Variants in CFAP99 observed in about 807,000 individuals in gnomAD.
The protein encoded by CFAP99 is cilia- and flagella-associated protein 99.
In CFAP99, 84 loss-of-function variants were observed where a neutral mutation model predicts 82.7. That is an observed-to-expected ratio of 1.02 (90% CI 0.85 to 1.22). The LOEUF is 1.22. Ranked by LOEUF, CFAP99 falls within the 50% of genes most tolerant of loss-of-function variation. The probability of loss-of-function intolerance (pLI) is 0.00; values close to 1 mark genes in which losing one functional copy is unlikely to be tolerated. For missense variants in CFAP99, 1,059 were observed against 983.5 expected (o/e 1.08, Z -1.03); for synonymous variants, 456 against 429.5 (o/e 1.06, Z -0.76).
At chr4:2,429,418 A>G (rs1733752317) in intron 2 of CFAP99, among the ~76,000 whole-genome samples, 3 of 152,194 alleles carry the variant, frequency 2.0e-5, no homozygotes, top group African/African-American at 7.2e-5. Context: ...TGTGACTATC[A>G]CAGGTGTGCA....
intron 1 of CFAP99, among the ~76,000 whole-genome samples, chr4:2,419,483 G>A (rs1733494646): frequency 6.6e-6 from 1 of 152,150 alleles, no homozygotes; most frequent in Non-Finnish European, 1.5e-5. Flanking sequence ...GTTGCATCCA[G>A]ATCACGGCGG....
chr4:2,444,742 C>T (rs1335186282), intron 5 of CFAP99, among the ~76,000 whole-genome samples: 1 of 152,202 alleles, frequency 6.6e-6, no homozygotes, highest in Non-Finnish European at 1.5e-5. Context: ...CCAAAAAGCT[C>T]CTTTCTCCAC....
intron 11 of CFAP99, among the ~76,000 whole-genome samples, chr4:2,456,235 G>T (rs1734430037): frequency 6.6e-6 from 1 of 151,934 alleles, no homozygotes; most frequent in African/African-American, 2.4e-5. Context: ...GTTTTGCCAT[G>T]TTGGCCAGGC....
chr4:2,458,439 G>A (rs1335300883), intron 11 of CFAP99, among the ~76,000 whole-genome samples: 1 of 152,108 alleles, frequency 6.6e-6, no homozygotes, highest in African/African-American at 2.4e-5. Flanking sequence ...GGTCTCTAGG[G>A]CTACTACAGC....
intron 8 of CFAP99, chr4:2,450,377 C>T: frequency 3.2e-6 from 1 of 312,330 alleles, no homozygotes. Flanking sequence ...AGAGACTGTG[C>T]CTGGCGGGGC....
At chr4:2,445,443 C>A in intron 6 of CFAP99, 135 bp downstream of exon 6, 1 of 786,050 alleles carries the variant, frequency 1.3e-6, no homozygotes, top group Non-Finnish European at 1.7e-6. Context: ...ACCAGGAACA[C>A]TAAATGACCC....
intron 13 of CFAP99, among the ~76,000 whole-genome samples, chr4:2,459,808 T>TG (rs1264311826): frequency 2.6e-5 from 4 of 152,304 alleles, no homozygotes; most frequent in African/African-American, 9.6e-5. Flanking sequence ...ATTTGGGACT[T>TG]GCCACAGTGG....
chr4:2,426,778 A>C (rs1733694031), intron 2 of CFAP99, 192 bp downstream of exon 2: 1 of 578,432 alleles, frequency 1.7e-6, no homozygotes, highest in Non-Finnish European at 3.1e-6. Flanking sequence ...GTGTCAGGCC[A>C]GGCTCTGGTG....
At chr4:2,424,608 A>T (rs867376030) in intron 1 of CFAP99, among the ~76,000 whole-genome samples, 16 of 152,274 alleles carry the variant, frequency 1.1e-4, no homozygotes, top group Middle Eastern at 3.4e-3. Context: ...CTCACAGAAC[A>T]TGCCAGGTGC....
chr4:2,461,594 A>T (rs11936462), intron 14 of CFAP99, among the ~76,000 whole-genome samples: 7,720 of 152,236 alleles, frequency 0.051, 634 homozygotes, highest in African/African-American at 0.17. Flanking sequence ...GCTCAGACGC[A>T]GCCTGGTTGG....
intron 8 of CFAP99, chr4:2,450,456 C>T (rs1734276861): frequency 7.3e-6 from 2 of 275,214 alleles, no homozygotes; most frequent in African/African-American, 2.2e-5. Flanking sequence ...GCTGGGCAGC[C>T]CATATGGTGC....
chr4:2,435,912 G>T, intron 2 of CFAP99, among the ~76,000 whole-genome samples: 1 of 151,212 alleles, frequency 6.6e-6, no homozygotes, highest in Middle Eastern at 3.4e-3. Context: ...GGAGGCCGAG[G>T]TGGGGAGCAG....
At chr4:2,435,695 A>T (rs1191599688) in intron 2 of CFAP99, among the ~76,000 whole-genome samples, 1 of 152,212 alleles carries the variant, frequency 6.6e-6, no homozygotes, top group Non-Finnish European at 1.5e-5. Flanking sequence ...AGGCCAAGGC[A>T]GGAGGATTGC....
At chr4:2,422,439 G>A (rs1380933963) in intron 1 of CFAP99, among the ~76,000 whole-genome samples, 1 of 152,152 alleles carries the variant, frequency 6.6e-6, no homozygotes, top group Non-Finnish European at 1.5e-5. Context: ...GTCCGCCCTG[G>A]ATTGGGGGGC....
intron 10 of CFAP99, 73 bp downstream of exon 10, chr4:2,451,425 C>A: frequency 2.8e-6 from 4 of 1,436,952 alleles, no homozygotes; most frequent in Non-Finnish European, 3.8e-6. Context: ...GAGGAGGGGC[C>A]TGGGGGCTGG....
rs1009258717 is a variant in CFAP99 at position 2,448,444 on chromosome 4, T to C, written c.643-1226T>C. On this transcript the variant is annotated intron_variant, in intron 6 of 14. Transcript: ENST00000635017. This position sits in a 1 kb window ranked among gnomAD's most constrained non-coding sequence, Gnocchi z 5.2. ...CCTCTACCCTCCCTGCCCTGCCCCA[T>C]GCCTAAGACATCCTTCTGCTTCAGG... Among the ~76,000 whole-genome samples the C allele has an allele frequency of 1.3e-5, 2 of 152,202 alleles. No individual in the cohort carries two copies. The highest frequency in any genetic ancestry group is 1.9e-4 in the East Asian group (1 of 5,198).
At chr4:2,459,158 C>A (rs775032309) in exon 13 of CFAP99, 2 of 1,535,268 alleles carry the variant, frequency 1.3e-6, no homozygotes, top group South Asian at 1.2e-5. Flanking sequence ...AGGGCGCAGG[C>A]AGCCCAGGAG....
intron 4 of CFAP99, among the ~76,000 whole-genome samples, chr4:2,441,119 C>G (rs529647281): frequency 6.6e-6 from 1 of 150,916 alleles, no homozygotes; most frequent in Non-Finnish European, 1.5e-5. Context: ...GCACAATAAT[C>G]CAGCAGTTTG....
In CFAP99 at chr4:2,436,955, G is replaced by A. The variant is rs749807537; in HGVS notation, c.193G>A (p.Val65Met). 1 of 1,536,114 alleles carries A rather than the reference G, an allele frequency of 6.5e-7. No individual in the cohort carries two copies. Among genetic ancestry groups the A allele is most frequent in the South Asian group, 1.2e-5 (1 of 84,064 alleles). Reference sequence around the variant, plus strand: ...GTACCGGAAGCTGCTGACCGTCGTGGTGGATGCCTTCTACGTGGAGGATGG... The same window carrying A: ...GTACCGGAAGCTGCTGACCGTCGTGATGGATGCCTTCTACGTGGAGGATGG... The change falls in exon 3 of 15, where the codon GTG becomes ATG. Residue 65 changes from valine (V) to methionine (M), a missense_variant. Val to Met is a conservative substitution (Grantham distance 21). Transcript: ENST00000635017.
Sources: allele counts gnomAD v4.1 joint callset (sites outside exome capture counted in the v4.1 genomes callset), GRCh38; gene constraint gnomAD v4.1.1; non-coding constraint Gnocchi (gnomAD v3.1); transcripts MANE v1.5; gene names NCBI Gene and HGNC (gene_info 2026-07-23, HGNC 2026-07-21).